The following CNTLN variants were observed in gnomAD, a reference collection of about 807,000 sequenced individuals.
CNTLN encodes centlein.
A neutral mutation model predicts 180.0 loss-of-function variants in CNTLN; 212 were observed. That is an observed-to-expected ratio of 1.18 (90% CI 1.05 to 1.32). The LOEUF (loss-of-function observed/expected upper bound fraction) is 1.32. CNTLN is among the 40% of genes most tolerant of loss of function. CNTLN has a pLI of 0.00. For synonymous variants in CNTLN, 722 were observed against 563.1 expected (o/e 1.28, Z -3.99); for missense variants, 2,095 against 1,610.9 (o/e 1.30, Z -5.14).
At chr9:17,265,073 CTA>C (rs1827309412) in intron 5 of CNTLN, among the ~76,000 whole-genome samples, 1 of 146,944 alleles carries the variant, frequency 6.8e-6, no homozygotes, top group African/African-American at 2.6e-5. Context: ...ACTTCCAACA[CTA>C]TGTTGAATAG....
intron 23 of CNTLN, among the ~76,000 whole-genome samples, chr9:17,482,833 G>T (rs1337014380): frequency 6.6e-6 from 1 of 152,114 alleles, no homozygotes; most frequent in Admixed American, 6.6e-5. Flanking sequence ...CTGCTAAGTG[G>T]TGATGGGACA....
intron 15 of CNTLN, among the ~76,000 whole-genome samples, chr9:17,404,077 A>C (rs1433794529): frequency 1.3e-5 from 2 of 151,784 alleles, no homozygotes; most frequent in African/African-American, 2.4e-5. Flanking sequence ...AGCCCAGCTA[A>C]AAGACAGAGT....
downstream of CNTLN, among the ~76,000 whole-genome samples, chr9:17,506,739 C>T (rs200753824): frequency 7.1e-6 from 1 of 140,954 alleles, no homozygotes; most frequent in Non-Finnish European, 1.6e-5. Flanking sequence ...GTAAAAACAA[C>T]AAAATGTACC....
At chr9:17,321,621 G>C (rs1191641438) in intron 8 of CNTLN, among the ~76,000 whole-genome samples, 1 of 152,172 alleles carries the variant, frequency 6.6e-6, no homozygotes, top group Non-Finnish European at 1.5e-5. Context: ...TTTCTTGCCA[G>C]AGGGTCTGAT....
intron 2 of CNTLN, among the ~76,000 whole-genome samples, chr9:17,207,077 T>A (rs1475409743): frequency 6.6e-6 from 1 of 152,042 alleles, no homozygotes; most frequent in East Asian, 1.9e-4. Flanking sequence ...GTGCGGTGTC[T>A]GACTCTGGAG....
intron 15 of CNTLN, among the ~76,000 whole-genome samples, chr9:17,396,929 C>T (rs529221725): frequency 4.4e-4 from 67 of 152,276 alleles, no homozygotes; most frequent in Non-Finnish European, 6.8e-4. Context: ...CGAGGTTCTT[C>T]TTTCCTTCTC....
At chr9:17,516,647 T>G in the CNTLN span, among the ~76,000 whole-genome samples, 8 of 152,252 alleles carry the variant, frequency 5.3e-5, no homozygotes, top group African/African-American at 1.7e-4. Context: ...GGGTGGGACA[T>G]CTGTCACATC....
At chr9:17,422,482 T>C (rs1828792052) in intron 18 of CNTLN, among the ~76,000 whole-genome samples, 1 of 152,212 alleles carries the variant, frequency 6.6e-6, no homozygotes, top group Admixed American at 6.5e-5. Flanking sequence ...CTTGATCAAG[T>C]CTGCTGTTGA....
At chr9:17,466,592 T>C in intron 22 of CNTLN, 114 bp from the exon 23 acceptor site, 1 of 806,976 alleles carries the variant, frequency 1.2e-6, no homozygotes, top group East Asian at 2.8e-5. Context: ...TTTACCCAAA[T>C]AATAAATACA....
At chr9:17,345,263 C>T (rs553580607) in intron 12 of CNTLN, among the ~76,000 whole-genome samples, 1 of 152,224 alleles carries the variant, frequency 6.6e-6, no homozygotes, top group Non-Finnish European at 1.5e-5. Flanking sequence ...ATTCTCTTAC[C>T]TGTGTCTTTT....
At chr9:17,186,629 C>T (rs1468190743) in intron 2 of CNTLN, among the ~76,000 whole-genome samples, 1 of 151,920 alleles carries the variant, frequency 6.6e-6, no homozygotes, top group African/African-American at 2.4e-5. Context: ...TCTTGTGATT[C>T]TTAGTTTATA....
chr9:17,400,784 A>C (rs946875203), intron 15 of CNTLN, among the ~76,000 whole-genome samples: 7 of 152,182 alleles, frequency 4.6e-5, no homozygotes, highest in Non-Finnish European at 1.0e-4. Flanking sequence ...TGTATATGTT[A>C]ATTCATTCAT....
At position 17,491,234 on chromosome 9, in the gene CNTLN, T is replaced by A. The variant is rs930878779; in HGVS notation, c.4119+4168T>A. Among the ~76,000 whole-genome samples, 17 of 152,158 alleles carry A rather than the reference T, an allele frequency of 1.1e-4. 1 individual carries two copies. The highest frequency in any genetic ancestry group is 7.4e-5 in the Non-Finnish European group (5 of 67,966). ...CCTGTGCTCGGGAATCATTAAAAAA[T>A]ATATATATGAGTACCTTCTACATGC... On this transcript the variant is annotated intron_variant, in intron 25 of 25. Coordinates refer to ENST00000380647, the MANE Select transcript of CNTLN (RefSeq NM_017738.4).
chr9:17,141,591 C>G (rs989872390), intron 1 of CNTLN, among the ~76,000 whole-genome samples: 1 of 152,002 alleles, frequency 6.6e-6, no homozygotes, highest in Non-Finnish European at 1.5e-5. Flanking sequence ...GATTAGTTTC[C>G]TAATTTAATG....
At chr9:17,516,081 A>T in the CNTLN span, among the ~76,000 whole-genome samples, 1 of 152,164 alleles carries the variant, frequency 6.6e-6, no homozygotes, top group African/African-American at 2.4e-5. Flanking sequence ...TCTGTCTGGA[A>T]TTCTGTCTCC....
At chr9:17,328,411 A>G (rs973095970) in intron 8 of CNTLN, among the ~76,000 whole-genome samples, 1 of 152,220 alleles carries the variant, frequency 6.6e-6, no homozygotes, top group Non-Finnish European at 1.5e-5. Flanking sequence ...AAATCTAGCA[A>G]CAGTGGGGCA....
intron 2 of CNTLN, among the ~76,000 whole-genome samples, chr9:17,178,717 G>A (rs1037876487): frequency 6.6e-6 from 1 of 151,914 alleles, no homozygotes; most frequent in African/African-American, 2.4e-5. Flanking sequence ...CGGAATTCAC[G>A]CTGGCCCACA....
chr9:17,265,838 A>G (rs1827386273), intron 5 of CNTLN, among the ~76,000 whole-genome samples: 1 of 152,140 alleles, frequency 6.6e-6, no homozygotes, highest in South Asian at 2.1e-4. Context: ...AGGTGTTTGT[A>G]GTATTCTTTC....
chr9:17,367,311 C>G (rs928371641), intron 13 of CNTLN, among the ~76,000 whole-genome samples: 1 of 152,208 alleles, frequency 6.6e-6, no homozygotes. Context: ...TAGACCAGAC[C>G]TGTCCAGAGG....
Sources: gnomAD v4.1 joint callset for allele counts (sites outside exome capture counted in the v4.1 genomes callset) on GRCh38, gnomAD v4.1.1 for gene constraint, MANE v1.5 for transcripts, NCBI Gene and HGNC (gene_info 2026-07-23, HGNC 2026-07-21) for gene names.